Variants in ITSN2 observed in about 807,000 individuals in gnomAD.
ITSN2 encodes intersectin 2.
A neutral mutation model predicts 243.7 loss-of-function variants in ITSN2; 156 were observed. The observed-to-expected ratio is 0.64, with a 90% CI of 0.56 to 0.73. The LOEUF (loss-of-function observed/expected upper bound fraction) is 0.73. Among genes scored for constraint, ITSN2 ranks in the 30% least tolerant of loss-of-function variants. ITSN2 has a pLI of 0.00. For missense variants in ITSN2, 1,801 were observed against 1,996.1 expected (o/e 0.90, Z 1.86); for synonymous variants, 703 against 699.9 (o/e 1.00, Z -0.07).
rs79683973 is a variant in ITSN2 at position 24,325,987 on chromosome 2, G to A, written c.31+2065C>T. 7.2e-3 allele frequency among the ~76,000 whole-genome samples: 1,101 copies of A among 151,890 alleles called. 8 individuals carry two copies. The highest frequency in any genetic ancestry group is 0.026 in the African/African-American group (1,061 of 41,430). ...CACACACAGGCATACTTACAGACAA[G>A]TCCCAATAGCAATGGGCATCAAAAC... On this transcript the variant is annotated intron_variant, in intron 2 of 39. Coordinates refer to ENST00000355123, the MANE Select transcript of ITSN2 (RefSeq NM_006277.3).
chr2:24,322,637 T>C (rs1022141601), intron 2 of ITSN2, among the ~76,000 whole-genome samples: 1 of 152,104 alleles, frequency 6.6e-6, no homozygotes, highest in Admixed American at 6.5e-5. Context: ...GAAGAAAATA[T>C]GGAAGAAAAT....
At chr2:24,306,036 G>A (rs1166896777) in intron 8 of ITSN2, among the ~76,000 whole-genome samples, 1 of 152,106 alleles carries the variant, frequency 6.6e-6, no homozygotes, top group African/African-American at 2.4e-5. Context: ...CTGGAGTGCA[G>A]TGGCATGATC....
chr2:24,334,432 G>T, intron 1 of ITSN2: 1 of 503,890 alleles, frequency 2.0e-6, no homozygotes, highest in Non-Finnish European at 3.8e-6. Flanking sequence ...CCCAGCCAAG[G>T]TTAAAGTTTT....
chr2:24,213,612 T>G (rs985535202), intron 32 of ITSN2, among the ~76,000 whole-genome samples: 1 of 152,228 alleles, frequency 6.6e-6, no homozygotes, highest in African/African-American at 2.4e-5. Context: ...TATTGCTAGA[T>G]TTTGCTTTTT....
In ITSN2 at chr2:24,254,577, GACTTATAC is replaced by G. The variant is rs1674778505; in HGVS notation, c.2889-154_2889-147del. 9 of 541,642 alleles carry G rather than the reference GACTTATAC, an allele frequency of 1.7e-5. No homozygotes were observed. In the South Asian group the frequency reaches 2.6e-4, roughly 16 times the overall value. The allele number at this position is 541,642 out of a possible 1,614,324, so 33.6% of individuals were successfully genotyped here. ...TAGTCTTAGTACACAGAACTGGGAA[GACTTATAC>G]ACAACATCCTGCAGGATTAAGAACA... On this transcript the variant is annotated intron_variant, in intron 23 of 39. Coordinates refer to ENST00000355123, the MANE Select transcript of ITSN2 (RefSeq NM_006277.3).
chr2:24,231,422 G>T (rs1015037814), intron 29 of ITSN2, among the ~76,000 whole-genome samples: 17 of 152,186 alleles, frequency 1.1e-4, no homozygotes, highest in African/African-American at 4.1e-4. Flanking sequence ...AGAAATTGAT[G>T]AAAACTTCCT....
Position 24,346,029 on chromosome 2 carries a change from C to T in ITSN2, c.-34+14275G>A, listed in dbSNP as rs180752725. On this transcript the variant is annotated intron_variant, in intron 1 of 39. Coordinates refer to ENST00000355123, the MANE Select transcript of ITSN2 (RefSeq NM_006277.3). ...AATGGATATGAGTCCAAATTGTTTG[C>T]GCTACCCTTCTACCACCACCACTTG... Among the ~76,000 whole-genome samples, 187 of 152,216 alleles carry T rather than the reference C, an allele frequency of 1.2e-3. 1 individual carries two copies. The highest frequency in any genetic ancestry group is 4.3e-3 in the African/African-American group (180 of 41,522).
At chr2:24,296,234 G>A (rs1219499373) in intron 13 of ITSN2, among the ~76,000 whole-genome samples, 1 of 152,044 alleles carries the variant, frequency 6.6e-6, no homozygotes, top group Non-Finnish European at 1.5e-5. Context: ...TTAAAACAGT[G>A]CCCAGGAGGA....
chr2:24,301,840 T>C (rs1317104491), intron 10 of ITSN2, 125 bp downstream of exon 10: 4 of 933,198 alleles, frequency 4.3e-6, no homozygotes, highest in East Asian at 6.0e-5. Flanking sequence ...ACTTCTAATA[T>C]GTACCCTTTT....
intron 1 of ITSN2, among the ~76,000 whole-genome samples, chr2:24,355,589 G>T (rs1479092491): frequency 6.6e-6 from 1 of 152,146 alleles, no homozygotes; most frequent in African/African-American, 2.4e-5. Context: ...AACTTGAGAT[G>T]AATTAAAGAC....
chr2:24,308,926 T>C (rs1409491401), intron 7 of ITSN2, 170 bp from the exon 8 acceptor site: 1 of 590,608 alleles, frequency 1.7e-6, no homozygotes, highest in Admixed American at 2.1e-5. Context: ...GGCAGGTGAG[T>C]GAGCACTACT....
chr2:24,338,057 G>A (rs924580430), intron 1 of ITSN2, among the ~76,000 whole-genome samples: 2 of 152,168 alleles, frequency 1.3e-5, no homozygotes, highest in African/African-American at 4.8e-5. Context: ...AGGCCGTGAT[G>A]GGAAGTGGGG....
intron 29 of ITSN2, among the ~76,000 whole-genome samples, chr2:24,228,702 A>T (rs963691190): frequency 2.6e-5 from 4 of 152,220 alleles, no homozygotes; most frequent in Non-Finnish European, 4.4e-5. Context: ...AAAGAAACAA[A>T]GAAACTTGAT....
intron 8 of ITSN2, among the ~76,000 whole-genome samples, chr2:24,304,868 C>A (rs958647255): frequency 2.0e-5 from 3 of 152,192 alleles, no homozygotes; most frequent in Non-Finnish European, 4.4e-5. Flanking sequence ...AGAGAGCCAA[C>A]AGAGTATCTT....
chr2:24,337,335 T>TATATACATAC (rs1686535960), intron 1 of ITSN2, among the ~76,000 whole-genome samples: 2 of 108,966 alleles, frequency 1.8e-5, no homozygotes, highest in African/African-American at 7.3e-5. Flanking sequence ...TATATATATA[T>TATATACATAC]ATATATATAT....
At chr2:24,254,146 G>A (rs1674714782) in intron 24 of ITSN2, among the ~76,000 whole-genome samples, 1 of 152,050 alleles carries the variant, frequency 6.6e-6, no homozygotes, top group Admixed American at 6.6e-5. Flanking sequence ...TCATAGCACT[G>A]CCTTTCTAAA....
chr2:24,290,917 A>G (rs1680165129), intron 15 of ITSN2, among the ~76,000 whole-genome samples: 1 of 152,104 alleles, frequency 6.6e-6, no homozygotes, highest in Admixed American at 6.6e-5. Flanking sequence ...CCCCCCTACC[A>G]AAGTTTTTCT....
Position 24,299,920 on chromosome 2 carries a change from CTA to C in ITSN2, c.1331_1332del (p.Ile444ArgfsTer11). 6.2e-7 allele frequency: 1 copy of C among 1,604,506 alleles called. No individual in the cohort carries two copies. Among genetic ancestry groups the C allele is most frequent in the Non-Finnish European group, 8.5e-7 (1 of 1,176,712 alleles). On this transcript the variant is annotated frameshift_variant, in exon 12 of 40. Coordinates refer to ENST00000355123, the MANE Select transcript of ITSN2 (RefSeq NM_006277.3). LOFTEE classifies it high-confidence loss of function. ...RQREEERRKD[I>X]ERREAAKQEL... is the part of the protein sequence containing the mutation. The stretch of plus-strand genomic sequence containing the variant: ...AACTTAAAAATAACCTCTCGTCTTT[CTA>C]TGTCTTTTCTCCTTTCTTCCTCTCG...
intron 1 of ITSN2, among the ~76,000 whole-genome samples, chr2:24,352,327 A>T (rs1008316371): frequency 6.6e-6 from 1 of 152,180 alleles, no homozygotes; most frequent in Admixed American, 6.5e-5. Context: ...CATTATTTTA[A>T]TTATAATCAC....
Sources: gnomAD v4.1 joint callset for allele counts (sites outside exome capture counted in the v4.1 genomes callset) on GRCh38, gnomAD v4.1.1 for gene constraint, MANE v1.5 for transcripts, NCBI Gene and HGNC (gene_info 2026-07-23, HGNC 2026-07-21) for gene names.